CHRDL2: variants seen among roughly 807,000 people sequenced by gnomAD.
The protein encoded by CHRDL2 is chordin like 2.
Under a neutral mutation model 54.3 loss-of-function variants are expected in CHRDL2, and 41 were observed. That is an observed-to-expected ratio of 0.76 (90% confidence interval 0.59 to 0.98). The LOEUF (loss-of-function observed/expected upper bound fraction) is 0.98, where lower values mean the gene tolerates loss of function less well. Among genes scored for constraint, CHRDL2 ranks in the 50% least tolerant of loss-of-function variants. CHRDL2 has a pLI of 0.00. For synonymous variants in CHRDL2, 220 were observed against 224.3 expected (o/e 0.98, Z 0.17); for missense variants, 518 against 562.4 (o/e 0.92, Z 0.80).
chr11:74,703,444 G>A lies in CHRDL2; in HGVS notation c.807C>T (p.Phe269=), dbSNP rs1565149169. 6.2e-7 allele frequency: 1 copy of A among 1,612,874 alleles called. No homozygotes were observed. Among genetic ancestry groups the A allele is most frequent in the Non-Finnish European group, 8.5e-7 (1 of 1,179,456 alleles). ...YSHGEVWHPA[F]RAFGPLPCIL... The stretch of plus-strand genomic sequence containing the variant: ...TGCAGGGCAAGGGGCCGAAGGCACG[G>A]AAGGCCGGGTGCCACACCTCCCCGT... Residue 269 remains phenylalanine (F), a synonymous_variant, in exon 8 of 11, where the codon TTC becomes TTT. Transcript: ENST00000376332.
chr11:74,728,939 T>TACTG (rs1252743509), intron 1 of CHRDL2, among the ~76,000 whole-genome samples: 1 of 152,170 alleles, frequency 6.6e-6, no homozygotes, highest in African/African-American at 2.4e-5. Flanking sequence ...GAAGATGGAA[T>TACTG]ACTGGCAGGA....
intron 2 of CHRDL2, among the ~76,000 whole-genome samples, chr11:74,715,650 A>T (rs2034329022): frequency 6.6e-6 from 1 of 151,350 alleles, no homozygotes; most frequent in South Asian, 2.1e-4. Context: ...GCAAGTAGGA[A>T]CAAGAAGATT....
intron 6 of CHRDL2, 28 bp from the exon 7 acceptor site, chr11:74,704,682 A>G: frequency 6.3e-7 from 1 of 1,598,334 alleles, no homozygotes; most frequent in Non-Finnish European, 8.5e-7. Flanking sequence ...GATGAAAGTC[A>G]CTGACTGAGC....
At chr11:74,703,231 T>A (rs938041586) in intron 8 of CHRDL2, 74 bp downstream of exon 8, 2 of 1,487,608 alleles carry the variant, frequency 1.3e-6, no homozygotes. Flanking sequence ...GCTCCAAGTG[T>A]CTGTGGCCCT....
chr11:74,713,373 C>T lies in CHRDL2; in HGVS notation c.289+13G>A. 1.2e-6 allele frequency: 2 copies of T among 1,610,246 alleles called. No individual in the cohort carries two copies. Among genetic ancestry groups the T allele is most frequent in the Non-Finnish European group, 1.7e-6 (2 of 1,176,710 alleles). On this transcript the variant is annotated intron_variant, in intron 3 of 10. Transcript: ENST00000376332. ...AAGGTCCATGGACGATGGGGAGGAG[C>T]ATGGCTACTTACCCACACACTTGGG...
intron 5 of CHRDL2, 32 bp downstream of exon 5, chr11:74,708,270 G>T (rs1204086150): frequency 1.4e-6 from 2 of 1,463,420 alleles, no homozygotes; most frequent in Non-Finnish European, 1.8e-6. Flanking sequence ...GGAGGGGTGG[G>T]TGAGTGCTGC....
chr11:74,706,291 T>A (rs977367458), intron 6 of CHRDL2, among the ~76,000 whole-genome samples, 196 bp downstream of exon 6: 10 of 151,982 alleles, frequency 6.6e-5, no homozygotes, highest in African/African-American at 2.4e-4. Context: ...CCACTCCTTA[T>A]CCATCAACCA....
At chr11:74,720,351 A>G (rs1363715671) in intron 1 of CHRDL2, 2 of 154,264 alleles carry the variant, frequency 1.3e-5, no homozygotes, top group African/African-American at 4.8e-5. Flanking sequence ...TGTTACCACA[A>G]TTATGAGAAG....
In CHRDL2 at chr11:74,731,167, A is replaced by C; in HGVS notation, c.-279T>G. The C allele has an allele frequency of 2.4e-6, 1 of 423,284 alleles. No individual in the cohort carries two copies. Among genetic ancestry groups the C allele is most frequent in the East Asian group, 4.4e-5 (1 of 22,672 alleles). The allele number at this position is 423,284 out of a possible 1,614,324, so 26.2% of individuals were successfully genotyped here. On this transcript the variant is annotated 5_prime_UTR_variant, in exon 1 of 11. Transcript: ENST00000376332. This position sits in a 1 kb window ranked among gnomAD's most constrained non-coding sequence, Gnocchi z 4.4. ...GTCCAGCAGAAGGGAGAGGCGATCA[A>C]AGAAAGGGGGAAGGTGAGAGGGAGA...
intron 8 of CHRDL2, 136 bp downstream of exon 8, chr11:74,703,169 T>C: frequency 8.8e-7 from 1 of 1,134,958 alleles, no homozygotes; most frequent in South Asian, 1.6e-5. Context: ...CCTGTGTGTC[T>C]GACATGCCCT....
intron 2 of CHRDL2, among the ~76,000 whole-genome samples, 189 bp from the exon 3 acceptor site, chr11:74,713,668 C>G (rs1370554828): frequency 6.6e-6 from 1 of 152,210 alleles, no homozygotes; most frequent in Admixed American, 6.5e-5. Context: ...TCACTTGGCC[C>G]ACATATCCAT....
chr11:74,717,603 G>A (rs1181375171), intron 2 of CHRDL2, among the ~76,000 whole-genome samples: 2 of 152,084 alleles, frequency 1.3e-5, no homozygotes, highest in Admixed American at 1.3e-4. Flanking sequence ...CAGGAGGAGT[G>A]AGACCCCAGT....
intron 5 of CHRDL2, among the ~76,000 whole-genome samples, chr11:74,707,670 TCC>T (rs894853817): frequency 3.3e-5 from 5 of 151,740 alleles, no homozygotes; most frequent in Non-Finnish European, 7.4e-5. Context: ...AGGGACTTTG[TCC>T]CCCCATGGCA....
intron 1 of CHRDL2, among the ~76,000 whole-genome samples, chr11:74,723,282 G>A (rs966218079): frequency 1.3e-5 from 2 of 152,166 alleles, no homozygotes; most frequent in African/African-American, 4.8e-5. Context: ...TGAGTGTGCG[G>A]CACTTGGCAT....
At chr11:74,717,650 C>A (rs1270131708) in intron 2 of CHRDL2, among the ~76,000 whole-genome samples, 1 of 152,130 alleles carries the variant, frequency 6.6e-6, no homozygotes. Context: ...CCCTCTCCGC[C>A]ACCCCACAGG....
chr11:74,730,687 C>T, intron 1 of CHRDL2, 120 bp downstream of exon 1: 2 of 947,810 alleles, frequency 2.1e-6, no homozygotes, highest in Non-Finnish European at 3.3e-6. Context: ...CTCCACCCCT[C>T]CGGCACAGGT....
rs549793321 is a variant in CHRDL2 at position 74,702,679 on chromosome 11, G to A, written c.1120+115C>T. ...GGAATCAGGGGCTCTTAAACCTGGCGGGGCAGCCAGAGGCACCTGATCAGC... is the reference window on the plus strand; with the variant it reads ...GGAATCAGGGGCTCTTAAACCTGGCAGGGCAGCCAGAGGCACCTGATCAGC... On this transcript the variant is annotated intron_variant, in intron 9 of 10. Transcript: ENST00000376332. 1.7e-4 allele frequency: 175 copies of A among 1,015,856 alleles called. 3 individuals carry two copies. In the South Asian group the frequency reaches 1.9e-3, roughly 11 times the overall value. 62.9% of individuals were successfully genotyped at this position (1,015,856 alleles called of 1,614,324 possible).
Position 74,713,452 on chromosome 11 carries a change from G to A in CHRDL2, c.223C>T (p.His75Tyr), listed in dbSNP as rs867942686. 1.9e-6 allele frequency: 3 copies of A among 1,614,054 alleles called. No individual in the cohort carries two copies. In the Admixed American group the frequency reaches 5.0e-5, roughly 27 times the overall value. Residue 75 changes from histidine (H) to tyrosine (Y), a missense_variant, in exon 3 of 11, where the codon CAC (histidine) becomes TAC (tyrosine). Coordinates refer to ENST00000376332, the MANE Select transcript of CHRDL2 (RefSeq NM_001278473.3). ...EGAHVSCYRLHCPPVHCPQPV... is the reference protein window; with the variant it reads ...EGAHVSCYRLYCPPVHCPQPV... Reference sequence around the variant, plus strand: ...TGGGGGCAGTGGACAGGCGGACAGTGGAGGCGGTAACAACTCACATGGGCG... The same window carrying A: ...TGGGGGCAGTGGACAGGCGGACAGTAGAGGCGGTAACAACTCACATGGGCG...
chr11:74,721,203 A>G (rs1163213003), intron 1 of CHRDL2, among the ~76,000 whole-genome samples: 1 of 143,276 alleles, frequency 7.0e-6, no homozygotes, highest in Non-Finnish European at 1.6e-5. Context: ...CAACTCTCCA[A>G]GGAGTGAATA....
Sources: allele counts gnomAD v4.1 joint callset (sites outside exome capture counted in the v4.1 genomes callset), GRCh38; gene constraint gnomAD v4.1.1; non-coding constraint Gnocchi (gnomAD v3.1); transcripts MANE v1.5; gene names NCBI Gene and HGNC (gene_info 2026-07-23, HGNC 2026-07-21).